The following SLC24A2 variants were observed in gnomAD, a reference collection of about 807,000 sequenced individuals.
SLC24A2 encodes sodium/potassium/calcium exchanger 2.
A neutral mutation model predicts 62.0 loss-of-function variants in SLC24A2; 36 were observed. The observed-to-expected ratio is 0.58, with a 90% CI of 0.44 to 0.77. The LOEUF is 0.77. Among genes scored for constraint, SLC24A2 ranks in the 30% least tolerant of loss-of-function variants. SLC24A2 has a pLI of 0.00. For synonymous variants in SLC24A2, 358 were observed against 294.0 expected (o/e 1.22, Z -2.23); for missense variants, 846 against 817.9 (o/e 1.03, Z -0.42).
the SLC24A2 span, among the ~76,000 whole-genome samples, chr9:20,034,782 T>A: frequency 6.6e-6 from 1 of 152,174 alleles, no homozygotes; most frequent in Non-Finnish European, 1.5e-5. Context: ...TTTTAAGATT[T>A]AAGAACCAGT....
the SLC24A2 span, among the ~76,000 whole-genome samples, chr9:20,269,167 G>T: frequency 1.3e-5 from 2 of 152,090 alleles, no homozygotes; most frequent in Admixed American, 1.3e-4. Flanking sequence ...TGTGCAGGAG[G>T]GGGTCTTAGC....
chr9:20,099,696 T>C, the SLC24A2 span, among the ~76,000 whole-genome samples: 1 of 152,190 alleles, frequency 6.6e-6, no homozygotes, highest in Non-Finnish European at 1.5e-5. Flanking sequence ...ATTCAAGCTA[T>C]AGTTTTTCCT....
intron 10 of SLC24A2, 48 bp from the exon 11 acceptor site, chr9:19,516,450 TAGTCAGACACGTTGAAGAAGGC>T (rs1832933390): frequency 6.2e-7 from 1 of 1,605,424 alleles, no homozygotes; most frequent in Admixed American, 1.7e-5. Context: ...GACAAGGGAG[TAGTCAGACACGTTGAAGAAGGC>T]AAATATAACC....
At chr9:19,538,276 T>G (rs1322721030) in intron 8 of SLC24A2, among the ~76,000 whole-genome samples, 3 of 143,180 alleles carry the variant, frequency 2.1e-5, no homozygotes, top group Non-Finnish European at 4.5e-5. Context: ...ATCCCTGTCT[T>G]GTGCCAGTTT....
the SLC24A2 span, among the ~76,000 whole-genome samples, chr9:20,298,967 G>A: frequency 6.6e-6 from 1 of 152,194 alleles, no homozygotes; most frequent in Non-Finnish European, 1.5e-5. Context: ...GAGGATCCTA[G>A]AGGACATGCG....
At chr9:19,746,618 G>T (rs1005012387) in intron 2 of SLC24A2, among the ~76,000 whole-genome samples, 2 of 152,122 alleles carry the variant, frequency 1.3e-5, no homozygotes, top group East Asian at 1.9e-4. Context: ...TTGATCCAGA[G>T]AATTATTTTT....
At chr9:19,710,878 G>C (rs1226652638) in intron 2 of SLC24A2, among the ~76,000 whole-genome samples, 1 of 152,206 alleles carries the variant, frequency 6.6e-6, no homozygotes, top group Non-Finnish European at 1.5e-5. Flanking sequence ...CCTCAAGCCA[G>C]TGAAATGGAT....
chr9:20,118,279 G>C, the SLC24A2 span, among the ~76,000 whole-genome samples: 4 of 152,098 alleles, frequency 2.6e-5, no homozygotes, highest in Admixed American at 2.6e-4. Context: ...GCTGTTATCA[G>C]CTGTTAATTT....
chr9:20,214,366 C>T, the SLC24A2 span, among the ~76,000 whole-genome samples: 1 of 152,180 alleles, frequency 6.6e-6, no homozygotes, highest in Non-Finnish European at 1.5e-5. Context: ...GTAGTCCCAG[C>T]ACTTTGGGAG....
the SLC24A2 span, among the ~76,000 whole-genome samples, chr9:20,224,512 A>G: frequency 6.6e-6 from 1 of 152,176 alleles, no homozygotes; most frequent in East Asian, 1.9e-4. Flanking sequence ...AAATAGATTG[A>G]TTAAACTGCT....
At chr9:19,846,948 G>T in the SLC24A2 span, among the ~76,000 whole-genome samples, 1,994 of 152,188 alleles carry the variant, frequency 0.013, 38 homozygotes, top group African/African-American at 0.045. Flanking sequence ...CTTGAACTTG[G>T]AATGTCGAGG....
intron 5 of SLC24A2, among the ~76,000 whole-genome samples, chr9:19,593,026 C>T (rs1250055595): frequency 1.3e-5 from 2 of 152,174 alleles, no homozygotes; most frequent in Non-Finnish European, 2.9e-5. Flanking sequence ...AGAAGGTGCT[C>T]AGTTATTATT....
chr9:19,641,377 A>G (rs1343232833), intron 2 of SLC24A2, among the ~76,000 whole-genome samples: 1 of 152,254 alleles, frequency 6.6e-6, no homozygotes, highest in Non-Finnish European at 1.5e-5. Flanking sequence ...TTGAATGTCT[A>G]GTGGGCATAA....
the SLC24A2 span, among the ~76,000 whole-genome samples, chr9:20,166,530 G>A: frequency 6.6e-6 from 1 of 151,854 alleles, no homozygotes; most frequent in African/African-American, 2.4e-5. Flanking sequence ...ACCTTATTAG[G>A]TGAAAAAATA....
the SLC24A2 span, among the ~76,000 whole-genome samples, chr9:20,258,797 TATCTATC>T: frequency 9.3e-5 from 12 of 128,638 alleles, no homozygotes; most frequent in South Asian, 6.6e-4. Context: ...TCTATCTATC[TATCTATC>T]TATCTATCTA....
the SLC24A2 span, among the ~76,000 whole-genome samples, chr9:19,840,112 G>C: frequency 9.9e-4 from 151 of 152,184 alleles, 1 homozygote; most frequent in African/African-American, 3.5e-3. Flanking sequence ...ACAAAATCAT[G>C]GGAACTTAAA....
At chr9:20,272,208 C>T in the SLC24A2 span, among the ~76,000 whole-genome samples, 1 of 152,138 alleles carries the variant, frequency 6.6e-6, no homozygotes, top group African/African-American at 2.4e-5. Context: ...AGCACCAGCA[C>T]TAAAATTAGA....
At chr9:19,785,850 A>G in intron 2 of SLC24A2, 87 bp downstream of exon 2, 1 of 1,549,788 alleles carries the variant, frequency 6.5e-7, no homozygotes, top group Non-Finnish European at 8.9e-7. Flanking sequence ...AAACACCATC[A>G]CATCAAAAGA....
At chr9:19,516,527 T>C (rs978399132) in intron 10 of SLC24A2, 125 bp from the exon 11 acceptor site, 7 of 1,192,018 alleles carry the variant, frequency 5.9e-6, no homozygotes, top group Admixed American at 4.3e-5. Flanking sequence ...GGGTGTCTTG[T>C]TAGGTTCACT....
Sources: gnomAD v4.1 joint callset for allele counts (sites outside exome capture counted in the v4.1 genomes callset) on GRCh38, gnomAD v4.1.1 for gene constraint, MANE v1.5 for transcripts, NCBI Gene and HGNC (gene_info 2026-07-23, HGNC 2026-07-21) for gene names.